Variants in CHAT observed in about 807,000 individuals in gnomAD.
The protein encoded by CHAT is choline O-acetyltransferase.
In CHAT, 61 loss-of-function variants were observed where a neutral mutation model predicts 76.9. The observed-to-expected ratio is 0.79, with a 90% CI of 0.65 to 0.98. CHAT has a LOEUF of 0.98. Among genes scored for constraint, CHAT ranks in the 50% least tolerant of loss-of-function variants. The probability of loss-of-function intolerance (pLI) is 0.00; values close to 1 mark genes in which losing one functional copy is unlikely to be tolerated. For synonymous variants in CHAT, 407 were observed against 397.4 expected, an observed-to-expected ratio of 1.02 and a Z score of -0.29; for missense variants, 946 against 986.9, an observed-to-expected ratio of 0.96 and a Z score of 0.56.
At chr10:49,627,946 G>T (rs144707620) in intron 7 of CHAT, among the ~76,000 whole-genome samples, 161 bp downstream of exon 7, 1 of 152,032 alleles carries the variant, frequency 6.6e-6, no homozygotes, top group Non-Finnish European at 1.5e-5. Context: ...CCTTGCCACC[G>T]AAGCCACCTT....
At chr10:49,649,732 C>T (rs529022196) in intron 10 of CHAT, 96 bp downstream of exon 10, 2 of 1,363,028 alleles carry the variant, frequency 1.5e-6, no homozygotes, top group African/African-American at 1.4e-5. Flanking sequence ...TCCAAAGACC[C>T]CAGCTCCTCT....
upstream of CHAT, chr10:49,611,941 C>G: frequency 1.2e-6 from 2 of 1,612,672 alleles, no homozygotes; most frequent in Non-Finnish European, 1.7e-6. Context: ...CGACACAGCA[C>G]TGCTGCCCAC....
chr10:49,664,837 G>A lies in CHAT; in HGVS notation c.2038G>A (p.Ala680Thr), dbSNP rs1200159292. The change falls in exon 15 of 15, where the codon GCC becomes ACC. Residue 680 changes from alanine (A) to threonine (T), a missense_variant. Physicochemically the swap from Ala to Thr is moderately conservative, Grantham distance 58. Around this residue, in one of 3 missense-constraint regions of CHAT, gnomAD observed 349 missense variants for 393.9 expected, o/e 0.89. Coordinates refer to ENST00000337653, the MANE Select transcript of CHAT (RefSeq NM_020549.5). The part of the protein sequence containing the change: ...YGPVVPNGYG[A>T]CYNPQPETIL... ...TCCTGTGGTCCCAAATGGGTATGGT[G>A]CCTGCTACAACCCCCAGCCAGAGAC... 1 of 1,614,054 alleles carries A rather than the reference G, an allele frequency of 6.2e-7. No homozygotes were observed. The highest frequency in any genetic ancestry group is 1.3e-5 in the African/African-American group (1 of 74,924).
intron 10 of CHAT, 22 bp from the exon 11 acceptor site, chr10:49,651,862 A>C (rs1839890907): frequency 6.2e-7 from 1 of 1,610,390 alleles, no homozygotes; most frequent in African/African-American, 1.3e-5. Context: ...CAATAAAAAC[A>C]TCTTTTCTTT....
At chr10:49,656,198 C>T (rs116842829) in intron 13 of CHAT, among the ~76,000 whole-genome samples, 1,996 of 151,676 alleles carry the variant, frequency 0.013, 30 homozygotes, top group Non-Finnish European at 0.018. Context: ...CTCTCTAATT[C>T]AGTTGCTAGG....
Position 49,614,163 on chromosome 10 carries a change from A to G in CHAT, c.-27A>G, listed in dbSNP as rs1307878548. The G allele has an allele frequency of 5.2e-6, 8 of 1,529,386 alleles. No individual in the cohort carries two copies. The highest frequency in any genetic ancestry group is 2.4e-5 in the South Asian group (2 of 83,062). 94.7% of individuals were successfully genotyped at this position (1,529,386 alleles called of 1,614,324 possible). ...TAGATTCTGGGGGCCGGGAGCTGAGATCCCTGGGCGGGGAGCTGGGGAAGG... is the reference window on the plus strand; with the variant it reads ...TAGATTCTGGGGGCCGGGAGCTGAGGTCCCTGGGCGGGGAGCTGGGGAAGG... On this transcript the variant is annotated 5_prime_UTR_variant, in exon 1 of 15. Transcript: ENST00000337653.
In CHAT at chr10:49,627,791, C is replaced by T; in HGVS notation, c.1111+6C>T. The T allele has an allele frequency of 1.2e-6, 2 of 1,612,634 alleles. No individual in the cohort carries two copies. The highest frequency in any genetic ancestry group is 8.5e-7 in the Non-Finnish European group (1 of 1,179,770). ...CAGGACGGTCCTCGTGAAAGGTCAG[C>T]CGCAGTGCCCAGCACATCTCCATGC... On this transcript the variant is annotated splice_donor_region_variant and intron_variant, in intron 7 of 14. Coordinates refer to ENST00000337653, the MANE Select transcript of CHAT (RefSeq NM_020549.5).
chr10:49,614,916 G>C (rs1056775609), intron 1 of CHAT, among the ~76,000 whole-genome samples: 1 of 152,336 alleles, frequency 6.6e-6, no homozygotes, highest in Non-Finnish European at 1.5e-5. Context: ...GTGAATGACC[G>C]GCCAGACTGG....
chr10:49,612,240 T>C (rs200368763), upstream of CHAT: 27 of 1,609,888 alleles, frequency 1.7e-5, no homozygotes, highest in Admixed American at 1.8e-4. Context: ...TGCGCCTGCG[T>C]GAGCGTCCTG....
chr10:49,646,523 C>T lies in CHAT; in HGVS notation c.1130C>T (p.Ser377Leu), dbSNP rs1451392375. 4 of 1,614,222 alleles carry T rather than the reference C, an allele frequency of 2.5e-6. No homozygotes were observed. The highest frequency in any genetic ancestry group is 2.5e-6 in the Non-Finnish European group (3 of 1,180,036). Residue 377 changes from serine to leucine, a missense_variant, in exon 8 of 15, where the codon TCG becomes TTG. Physicochemically the swap from Ser to Leu is moderately radical, Grantham distance 145. This residue lies in a region of CHAT where 548 missense variants were observed against 516.2 expected (regional missense o/e 1.06). Coordinates refer to ENST00000337653, the MANE Select transcript of CHAT (RefSeq NM_020549.5). ...VLVKDSTNRD[S>L]LDMIERCICL... ...CCTGCAGACTCCACCAACCGGGACTCGCTGGACATGATTGAGCGCTGCATC... is the reference window on the plus strand; with the variant it reads ...CCTGCAGACTCCACCAACCGGGACTTGCTGGACATGATTGAGCGCTGCATC...
chr10:49,627,603 C>G lies in CHAT; in HGVS notation c.934-5C>G. ...AGTGACATGTTTGACCTGTTTACCC[C>G]ACAGTTCTTTGTCTTGGATGTTGTC... On this transcript the variant is annotated splice_polypyrimidine_tract_variant and splice_region_variant and intron_variant, in intron 6 of 14. Coordinates refer to ENST00000337653, the MANE Select transcript of CHAT (RefSeq NM_020549.5). The G allele has an allele frequency of 6.2e-7, 1 of 1,614,062 alleles. No individual in the cohort carries two copies. Among genetic ancestry groups the G allele is most frequent in the Non-Finnish European group, 8.5e-7 (1 of 1,179,920 alleles).
intron 2 of CHAT, among the ~76,000 whole-genome samples, chr10:49,617,337 T>G (rs1226627243): frequency 6.6e-6 from 1 of 152,152 alleles, no homozygotes; most frequent in East Asian, 1.9e-4. Flanking sequence ...CCCACCCCAT[T>G]GGGCTGTGGC....
chr10:49,625,117 T>C (rs543085483), intron 5 of CHAT, among the ~76,000 whole-genome samples: 10 of 152,242 alleles, frequency 6.6e-5, no homozygotes, highest in South Asian at 2.1e-4. Flanking sequence ...GAGTAGGCTC[T>C]TGAAGGAGGG....
At chr10:49,615,754 A>T in intron 1 of CHAT, 1 of 497,868 alleles carries the variant, frequency 2.0e-6, no homozygotes. Context: ...CTTCAAAATT[A>T]ATCTGCCTCT....
chr10:49,612,322 T>C, upstream of CHAT: 2 of 1,593,170 alleles, frequency 1.3e-6, no homozygotes, highest in Non-Finnish European at 1.7e-6. Flanking sequence ...CTACAACTAC[T>C]ACTACACCCG....
chr10:49,644,173 TAG>T (rs1447860008), intron 7 of CHAT, among the ~76,000 whole-genome samples: 2 of 152,052 alleles, frequency 1.3e-5, no homozygotes, highest in African/African-American at 4.8e-5. Context: ...AGGGCTGTCA[TAG>T]ACAGAGGAGG....
At chr10:49,631,034 T>C (rs1457006063) in intron 7 of CHAT, among the ~76,000 whole-genome samples, 3 of 152,220 alleles carry the variant, frequency 2.0e-5, no homozygotes, top group Non-Finnish European at 4.4e-5. Flanking sequence ...GAGAGGCTAA[T>C]TAACATTGTT....
chr10:49,662,541 G>A (rs972075364), intron 13 of CHAT, 104 bp from the exon 14 acceptor site: 75 of 1,450,406 alleles, frequency 5.2e-5, no homozygotes, highest in African/African-American at 7.0e-5. Context: ...AGCATGAGCC[G>A]TGGCTGCTGG....
At chr10:49,641,670 G>A (rs536143365) in intron 7 of CHAT, among the ~76,000 whole-genome samples, 44 of 152,260 alleles carry the variant, frequency 2.9e-4, no homozygotes, top group Admixed American at 6.5e-4. Flanking sequence ...GAGGAAAGAT[G>A]CTGAGATAGG....
Sources: gnomAD v4.1 joint callset for allele counts (sites outside exome capture counted in the v4.1 genomes callset) on GRCh38, gnomAD v4.1.1 for gene constraint, gnomAD v4.1.1 regional missense constraint, MANE v1.5 for transcripts, NCBI Gene and HGNC (gene_info 2026-07-23, HGNC 2026-07-21) for gene names.